FOLR3: variants seen among roughly 807,000 people sequenced by gnomAD.
The protein encoded by FOLR3 is folate receptor 3 (gamma).
Under a neutral mutation model 20.0 loss-of-function variants are expected in FOLR3, and 9 were observed. That is an observed-to-expected ratio of 0.45 (90% CI 0.27 to 0.79). The LOEUF (loss-of-function observed/expected upper bound fraction) is 0.79, where lower values mean the gene tolerates loss of function less well. Among genes scored for constraint, FOLR3 ranks in the 30% least tolerant of loss-of-function variants. FOLR3 has a pLI of 0.15. For synonymous variants in FOLR3, 124 were observed against 115.5 expected, an observed-to-expected ratio of 1.07 and a Z score of -0.47; for missense variants, 309 against 323.5, an observed-to-expected ratio of 0.96 and a Z score of 0.34.
intron 2 of FOLR3, among the ~76,000 whole-genome samples, chr11:72,137,193 T>A (rs1397633554): frequency 6.6e-6 from 1 of 152,174 alleles, no homozygotes; most frequent in African/African-American, 2.4e-5. Context: ...GATTCATGAT[T>A]TCTCAGGTTT....
chr11:72,139,693 C>T lies in FOLR3; in HGVS notation c.600C>T (p.Ser200=). ...TCTGGAGCCACTCCTTCAAGGTCAG[C>T]AACTATAGTCGAGGGAGCGGCCGCT... The part of the protein sequence containing the change: ...EGLWSHSFKV[S]NYSRGSGRCI... Residue 200 remains serine, a synonymous_variant, in exon 5 of 5, where the codon AGC becomes AGT. Coordinates refer to ENST00000611028, the MANE Select transcript of FOLR3 (RefSeq NM_000804.4). 2 of 1,613,810 alleles carry T rather than the reference C, an allele frequency of 1.2e-6. No homozygotes were observed. The highest frequency in any genetic ancestry group is 1.7e-6 in the Non-Finnish European group (2 of 1,179,944).
At position 72,139,765 on chromosome 11, in the gene FOLR3, G is replaced by T; in HGVS notation, c.672G>T (p.Glu224Asp). ...CAGCCCAGGGCAACCCCAATGAGGA[G>T]GTGGCCAAGTTCTATGCTGCGGCCA... ...FDSAQGNPNE[E>D]VAKFYAAAMN... The change falls in exon 5 of 5, where the codon GAG (glutamate) becomes GAT (aspartate). Residue 224 changes from glutamate to aspartate, a missense_variant. Coordinates refer to ENST00000611028, the MANE Select transcript of FOLR3 (RefSeq NM_000804.4). 6.2e-7 allele frequency: 1 copy of T among 1,614,148 alleles called. No homozygotes were observed. Among genetic ancestry groups the T allele is most frequent in the Non-Finnish European group, 8.5e-7 (1 of 1,180,014 alleles).
At position 72,138,468 on chromosome 11, in the gene FOLR3, T is replaced by C. The variant is rs1044670604; in HGVS notation, c.169-493T>C. Among the ~76,000 whole-genome samples the C allele has an allele frequency of 3.3e-5, 5 of 152,182 alleles. 1 individual carries two copies. Among genetic ancestry groups the C allele is most frequent in the African/African-American group, 1.2e-4 (5 of 41,436 alleles). On this transcript the variant is annotated intron_variant, in intron 2 of 4. Coordinates refer to ENST00000611028, the MANE Select transcript of FOLR3 (RefSeq NM_000804.4). ...GACAGTGGCTCTCCCTCATCTCCTATATCCCGTGGATTACCCTCTGTTAAA... is the reference window on the plus strand; with the variant it reads ...GACAGTGGCTCTCCCTCATCTCCTACATCCCGTGGATTACCCTCTGTTAAA...
chr11:72,138,170 C>T lies in FOLR3; in HGVS notation c.169-791C>T, dbSNP rs570806391. On this transcript the variant is annotated intron_variant, in intron 2 of 4. Transcript: ENST00000611028. ...TCACCTGAGGTCAGGAGTTCGAGAC[C>T]AGCCTGGCAAACATGGTGAACCCCC... is the stretch of plus-strand genomic sequence containing the variant. Among the ~76,000 whole-genome samples, 5 of 152,230 alleles carry T rather than the reference C, an allele frequency of 3.3e-5. No individual in the cohort carries two copies. The East Asian group carries it at 9.7e-4, about 29-fold the overall frequency.
chr11:72,139,607 G>C lies in FOLR3; in HGVS notation c.514G>C (p.Gly172Arg). The C allele has an allele frequency of 6.2e-7, 1 of 1,613,734 alleles. No individual in the cohort carries two copies. Among genetic ancestry groups the C allele is most frequent in the Non-Finnish European group, 8.5e-7 (1 of 1,179,884 alleles). Residue 172 changes from glycine (G) to arginine (R), a missense_variant, in exon 5 of 5, where the codon GGG (glycine) becomes CGG (arginine). By Grantham distance (125) the Gly-to-Arg change is moderately radical. Transcript: ENST00000611028. ...WTSGINECPA[G>R]ALCSTFESYF... The stretch of plus-strand genomic sequence containing the variant: ...CTCAGGGATTAATGAGTGTCCGGCC[G>C]GGGCCCTCTGCAGCACCTTTGAGTC...
At position 72,138,366 on chromosome 11, in the gene FOLR3, C is replaced by CA. The variant is rs1187470436; in HGVS notation, c.169-587dup. On this transcript the variant is annotated intron_variant, in intron 2 of 4. Transcript: ENST00000611028. ...GGGCAACAGGAGCGAAACTCTGTCT[C>CA]AAAAAAAAGTTAGTTTAATAACATG... Among the ~76,000 whole-genome samples the CA allele has an allele frequency of 3.3e-5, 5 of 151,790 alleles. No homozygotes were observed. In the South Asian group the frequency reaches 6.2e-4, roughly 19 times the overall value.
chr11:72,138,544 G>A (rs774719333), intron 2 of FOLR3, among the ~76,000 whole-genome samples: 5 of 152,044 alleles, frequency 3.3e-5, no homozygotes, highest in Non-Finnish European at 5.9e-5. Flanking sequence ...TTAGTATTTT[G>A]GGAAGCTGAC....
At position 72,135,738 on chromosome 11, in the gene FOLR3, A is replaced by C; in HGVS notation, c.-37A>C. 2.4e-5 allele frequency: 14 copies of C among 580,580 alleles called. No individual in the cohort carries two copies. Among genetic ancestry groups the C allele is most frequent in the East Asian group, 2.9e-5 (1 of 34,584 alleles). 36.0% of individuals were successfully genotyped at this position (580,580 alleles called of 1,614,324 possible). ...CAAGCTGGTGTCAGAGCCTGGACCT[A>C]CAGCGCTGTTGGTGGAGGTCCTGCC... On this transcript the variant is annotated 5_prime_UTR_variant, in exon 1 of 5. Transcript: ENST00000611028.
At chr11:72,137,730 G>A (rs1947758842) in intron 2 of FOLR3, among the ~76,000 whole-genome samples, 1 of 152,030 alleles carries the variant, frequency 6.6e-6, no homozygotes, top group African/African-American at 2.4e-5. Flanking sequence ...CTAACCTCAG[G>A]TGATCCGCCC....
chr11:72,139,162 T>C lies in FOLR3; in HGVS notation c.357+13T>C, dbSNP rs1459014069. On this transcript the variant is annotated intron_variant, in intron 3 of 4. Coordinates refer to ENST00000611028, the MANE Select transcript of FOLR3 (RefSeq NM_000804.4). ...CTGGATCCGGCAGGTATGAGTGCTGTTCCCACAAACATTAACCTCAGCAGA... is the reference window on the plus strand; with the variant it reads ...CTGGATCCGGCAGGTATGAGTGCTGCTCCCACAAACATTAACCTCAGCAGA... The C allele has an allele frequency of 6.2e-7, 1 of 1,608,100 alleles. No individual in the cohort carries two copies. The highest frequency in any genetic ancestry group is 1.7e-5 in the Admixed American group (1 of 59,664).
chr11:72,137,637 G>A (rs553804654), intron 2 of FOLR3, among the ~76,000 whole-genome samples: 16 of 151,984 alleles, frequency 1.1e-4, no homozygotes, highest in African/African-American at 2.4e-4. Context: ...GATTACAGGC[G>A]CCTACCACTG....
At chr11:72,138,575 C>G (rs7927110) in intron 2 of FOLR3, among the ~76,000 whole-genome samples, 10,058 of 152,018 alleles carry the variant, frequency 0.066, 445 homozygotes, top group African/African-American at 0.11. Flanking sequence ...GAGTTTGAGA[C>G]CAGCCTAGGC....
intron 1 of FOLR3, 37 bp downstream of exon 1, chr11:72,135,805 G>A (rs112525990): frequency 0.051 from 43,374 of 854,546 alleles, 1,685 homozygotes; most frequent in African/African-American, 0.15. Context: ...TACACGCAGC[G>A]CATTTCTTGG....
In FOLR3 at chr11:72,139,330, G is replaced by T; in HGVS notation, c.358-17G>T. On this transcript the variant is annotated splice_polypyrimidine_tract_variant and intron_variant, in intron 3 of 4. Coordinates refer to ENST00000611028, the MANE Select transcript of FOLR3 (RefSeq NM_000804.4). Reference sequence around the variant, plus strand: ...GATACGTGGCTGACAGGAGTATTCTGTCTCCTCCCCACTCAGGTCAACCAG... The same window carrying T: ...GATACGTGGCTGACAGGAGTATTCTTTCTCCTCCCCACTCAGGTCAACCAG... 3 of 1,609,432 alleles carry T rather than the reference G, an allele frequency of 1.9e-6. No individual in the cohort carries two copies. The highest frequency in any genetic ancestry group is 1.1e-5 in the South Asian group (1 of 90,408).
At chr11:72,138,042 G>A (rs1203286452) in intron 2 of FOLR3, among the ~76,000 whole-genome samples, 1 of 152,104 alleles carries the variant, frequency 6.6e-6, no homozygotes, top group Non-Finnish European at 1.5e-5. Context: ...ATATTGGCTG[G>A]ATGCAAAATG....
chr11:72,139,725 A>G lies in FOLR3; in HGVS notation c.632A>G (p.Gln211Arg). 1 of 1,614,080 alleles carries G rather than the reference A, an allele frequency of 6.2e-7. No homozygotes were observed. Among genetic ancestry groups the G allele is most frequent in the Non-Finnish European group, 8.5e-7 (1 of 1,180,004 alleles). ...NYSRGSGRCI[Q>R]MWFDSAQGNP... is the part of the protein sequence containing the mutation. ...AGTCGAGGGAGCGGCCGCTGCATCC[A>G]GATGTGGTTTGACTCAGCCCAGGGC... The change falls in exon 5 of 5, where the codon CAG becomes CGG. Residue 211 changes from glutamine (Q) to arginine (R), a missense_variant. Coordinates refer to ENST00000611028, the MANE Select transcript of FOLR3 (RefSeq NM_000804.4).
At position 72,139,175 on chromosome 11, in the gene FOLR3, T is replaced by G. The variant is rs926943943; in HGVS notation, c.357+26T>G. 22 of 1,601,404 alleles carry G rather than the reference T, an allele frequency of 1.4e-5. No individual in the cohort carries two copies. The African/African-American group carries it at 2.5e-4, about 19-fold the overall frequency. ...GTATGAGTGCTGTTCCCACAAACATTAACCTCAGCAGAGGGCGGAGCCTGC... is the reference window on the plus strand; with the variant it reads ...GTATGAGTGCTGTTCCCACAAACATGAACCTCAGCAGAGGGCGGAGCCTGC... On this transcript the variant is annotated intron_variant, in intron 3 of 4. Coordinates refer to ENST00000611028, the MANE Select transcript of FOLR3 (RefSeq NM_000804.4).
chr11:72,139,521 G>C, intron 4 of FOLR3, 39 bp downstream of exon 4: 1 of 1,613,114 alleles, frequency 6.2e-7, no homozygotes, highest in Non-Finnish European at 8.5e-7. Flanking sequence ...GTGGGAGTGG[G>C]GCTTTGGGGT....
intron 2 of FOLR3, among the ~76,000 whole-genome samples, chr11:72,137,467 C>T (rs555883944): frequency 6.6e-6 from 1 of 151,770 alleles, no homozygotes; most frequent in East Asian, 1.9e-4. Flanking sequence ...CCAGGTTCCT[C>T]TCCTCCCTGT....
Sources: allele counts gnomAD v4.1 joint callset (sites outside exome capture counted in the v4.1 genomes callset), GRCh38; gene constraint gnomAD v4.1.1; transcripts MANE v1.5; gene names NCBI Gene and HGNC (gene_info 2026-07-23, HGNC 2026-07-21).